DEK: variants seen among roughly 807,000 people sequenced by gnomAD.
The protein encoded by DEK is DEK proto-oncogene, also known as protein DEK.
In DEK, 28 loss-of-function variants were observed where a neutral mutation model predicts 46.8. The observed-to-expected ratio is 0.60, with a 90% CI of 0.44 to 0.82. DEK has a LOEUF of 0.82. DEK is among the 40% of genes least tolerant of loss of function. The pLI, the probability that DEK is intolerant of heterozygous loss-of-function variation, is 0.00. For synonymous variants in DEK, 160 were observed against 144.5 expected (o/e 1.11, Z -0.77); for missense variants, 416 against 430.6 (o/e 0.97, Z 0.30).
rs149153020 is a variant in DEK at position 18,263,973 on chromosome 6, G to C, written c.15C>G (p.Ala5=). The C allele has an allele frequency of 1.6e-5, 26 of 1,610,660 alleles. No homozygotes were observed. The highest frequency in any genetic ancestry group is 2.1e-5 in the Non-Finnish European group (25 of 1,178,844). The change falls in exon 2 of 11, where the codon GCC becomes GCG. Residue 5 remains alanine (A), a synonymous_variant. Transcript: ENST00000652689. MSAS[A]PAAEGEGTPT... Reference sequence around the variant, plus strand: ...GGGTTCCCTCCCCCTCCGCAGCAGGGGCCGAGGCGGACATGCTGTGAACCT... The same window carrying C: ...GGGTTCCCTCCCCCTCCGCAGCAGGCGCCGAGGCGGACATGCTGTGAACCT...
At chr6:18,244,142 AC>A (rs1167915174) in intron 7 of DEK, among the ~76,000 whole-genome samples, 1 of 152,226 alleles carries the variant, frequency 6.6e-6, no homozygotes, top group Non-Finnish European at 1.5e-5. Flanking sequence ...GAGTCTTTTA[AC>A]AAAATGGGGG....
chr6:18,240,019 T>C (rs941042687), intron 7 of DEK, among the ~76,000 whole-genome samples: 3 of 152,196 alleles, frequency 2.0e-5, no homozygotes, highest in Non-Finnish European at 2.9e-5. Context: ...ATATCATCAA[T>C]AATTACTCAA....
At chr6:18,248,121 T>C (rs187110616) in intron 7 of DEK, among the ~76,000 whole-genome samples, 1 of 152,328 alleles carries the variant, frequency 6.6e-6, no homozygotes, top group Admixed American at 6.5e-5. Context: ...GTATTTTAAA[T>C]AAAATCCTTT....
chr6:18,226,182 C>T lies in DEK; in HGVS notation c.1108G>A (p.Val370Ile), dbSNP rs765359343. 5.8e-5 allele frequency: 77 copies of T among 1,322,992 alleles called. No individual in the cohort carries two copies. Among genetic ancestry groups the T allele is most frequent in the Non-Finnish European group, 7.2e-5 (71 of 992,594 alleles). The allele number at this position is 1,322,992 out of a possible 1,614,324, so 82.0% of individuals were successfully genotyped here. A position where few individuals can be genotyped will look rare whatever the true frequency, so the allele number is the denominator to read the frequency against. The part of the protein sequence containing the change: ...TERKDFIKTT[V>I]KELIS ...AAGACTGAAATATTTACCTCTTTTA[C>T]AGTTGTTTTTATGAAATCTTTTCTT... The change falls in exon 10 of 11, where the codon GTA (valine) becomes ATA (isoleucine). Residue 370 changes from valine to isoleucine, a missense_variant. Transcript: ENST00000652689.
chr6:18,241,319 G>A (rs1160558135), intron 7 of DEK, among the ~76,000 whole-genome samples: 1 of 152,158 alleles, frequency 6.6e-6, no homozygotes, highest in African/African-American at 2.4e-5. Flanking sequence ...AGGGAGAGCT[G>A]ACAAGGCAAG....
At chr6:18,237,348 T>A in intron 8 of DEK, 33 bp downstream of exon 8, 1 of 1,575,988 alleles carries the variant, frequency 6.3e-7, no homozygotes, top group Non-Finnish European at 8.6e-7. Flanking sequence ...GCTATATCTT[T>A]AAAGTTGCTG....
At chr6:18,263,366 A>T (rs1240933587) in intron 2 of DEK, among the ~76,000 whole-genome samples, 1 of 152,194 alleles carries the variant, frequency 6.6e-6, no homozygotes, top group African/African-American at 2.4e-5. Flanking sequence ...AAATATTCGA[A>T]AGTATTCAAA....
intron 2 of DEK, among the ~76,000 whole-genome samples, chr6:18,262,836 T>A (rs1479802426): frequency 1.3e-5 from 2 of 152,204 alleles, no homozygotes; most frequent in African/African-American, 4.8e-5. Context: ...ATGCTTTACT[T>A]AAATATGCCC....
At position 18,263,950 on chromosome 6, in the gene DEK, G is replaced by A; in HGVS notation, c.38C>T (p.Thr13Ile). ...TTTCTCGGACGCGGGCTGGGTGGGG[G>A]TTCCCTCCCCCTCCGCAGCAGGGGC... is the stretch of plus-strand genomic sequence containing the variant. ...ASAPAAEGEG[T>I]PTQPASEKEP... The change falls in exon 2 of 11, where the codon ACC becomes ATC. Residue 13 changes from threonine to isoleucine, a missense_variant. Thr to Ile is a moderately conservative substitution (Grantham distance 89). Coordinates refer to ENST00000652689, the MANE Select transcript of DEK (RefSeq NM_003472.4). The A allele has an allele frequency of 1.2e-6, 2 of 1,612,980 alleles. No individual in the cohort carries two copies. The highest frequency in any genetic ancestry group is 1.7e-6 in the Non-Finnish European group (2 of 1,179,532).
intron 1 of DEK, 177 bp downstream of exon 1, chr6:18,264,208 C>A: frequency 2.7e-6 from 1 of 370,688 alleles, no homozygotes; most frequent in Non-Finnish European, 4.7e-6. Context: ...GGAAACCGCG[C>A]CCGCTGCCCC....
rs2151088911 is a variant in DEK, at chr6:18,249,526, C to T, written c.762+125G>A. The T allele has an allele frequency of 3.0e-6, 4 of 1,352,038 alleles. No individual in the cohort carries two copies. In the South Asian group the frequency reaches 7.4e-5, roughly 25 times the overall value. The allele number at this position is 1,352,038 out of a possible 1,614,324, so 83.8% of individuals were successfully genotyped here. On this transcript the variant is annotated intron_variant, in intron 7 of 10. Transcript: ENST00000652689. ...GAAAAGAAATGGGTTCATACTTAAT[C>T]ATTTCTGCATCTTCAGAATTAAAAA...
At chr6:18,260,856 C>T (rs375889239) in intron 2 of DEK, among the ~76,000 whole-genome samples, 1 of 151,894 alleles carries the variant, frequency 6.6e-6, no homozygotes, top group East Asian at 1.9e-4. Context: ...CAGAAAGTAC[C>T]CGGGCATGGT....
chr6:18,234,819 C>T (rs1226779204), intron 9 of DEK, among the ~76,000 whole-genome samples: 1 of 151,992 alleles, frequency 6.6e-6, no homozygotes, highest in African/African-American at 2.4e-5. Context: ...TCCCATTTAC[C>T]TACTATTTTC....
rs1790054579 is a variant in DEK at position 18,225,147 on chromosome 6, A to G, written c.*572T>C. On this transcript the variant is annotated 3_prime_UTR_variant, in exon 11 of 11. Transcript: ENST00000652689. ...ATTGTTTTTTAAAAATACAAAAATAACATCTGTCACTTTTGTCATGCTGAC... is the reference window on the plus strand; with the variant it reads ...ATTGTTTTTTAAAAATACAAAAATAGCATCTGTCACTTTTGTCATGCTGAC... 4.5e-6 allele frequency: 1 copy of G among 220,564 alleles called. No homozygotes were observed. Among genetic ancestry groups the G allele is most frequent in the East Asian group, 6.7e-5 (1 of 14,936 alleles). The allele number at this position is 220,564 out of a possible 1,614,324, so 13.7% of individuals were successfully genotyped here.
At position 18,225,347 on chromosome 6, in the gene DEK, T is replaced by C; in HGVS notation, c.*372A>G. 7.9e-6 allele frequency: 2 copies of C among 252,910 alleles called. No homozygotes were observed. The highest frequency in any genetic ancestry group is 7.6e-6 in the Non-Finnish European group (1 of 131,460). 15.7% of individuals were successfully genotyped at this position (252,910 alleles called of 1,614,324 possible). On this transcript the variant is annotated 3_prime_UTR_variant, in exon 11 of 11. Coordinates refer to ENST00000652689, the MANE Select transcript of DEK (RefSeq NM_003472.4). ...CTACAATCTCTGTATGTATAAATCCTGGTGATAATAGTTTTTGTTCTACTT... is the reference window on the plus strand; with the variant it reads ...CTACAATCTCTGTATGTATAAATCCCGGTGATAATAGTTTTTGTTCTACTT...
chr6:18,228,532 C>T (rs1189117175), intron 9 of DEK, among the ~76,000 whole-genome samples: 1 of 151,942 alleles, frequency 6.6e-6, no homozygotes, highest in African/African-American at 2.4e-5. Flanking sequence ...GGGTACAGGA[C>T]AGTGGGTGCA....
chr6:18,246,467 C>A (rs1791119259), intron 7 of DEK, among the ~76,000 whole-genome samples: 1 of 152,200 alleles, frequency 6.6e-6, no homozygotes, highest in Non-Finnish European at 1.5e-5. Flanking sequence ...GGTAGAGGTA[C>A]AGGTACAGAA....
intron 6 of DEK, among the ~76,000 whole-genome samples, chr6:18,252,783 CAAAGG>C (rs1318012059): frequency 6.6e-6 from 1 of 151,338 alleles, no homozygotes; most frequent in East Asian, 1.9e-4. Flanking sequence ...ATTGCAAAAG[CAAAGG>C]AAAGCAAAGG....
chr6:18,239,243 G>A (rs977446530), intron 7 of DEK, among the ~76,000 whole-genome samples: 1 of 150,904 alleles, frequency 6.6e-6, no homozygotes, highest in African/African-American at 2.4e-5. Context: ...TGTTTTTAAA[G>A]ACATAAGCAC....
Sources: gnomAD v4.1 joint callset for allele counts (sites outside exome capture counted in the v4.1 genomes callset) on GRCh38, gnomAD v4.1.1 for gene constraint, MANE v1.5 for transcripts, NCBI Gene and HGNC (gene_info 2026-07-23, HGNC 2026-07-21) for gene names.